Variants in RAB3GAP2 observed in about 807,000 individuals in gnomAD.
The protein encoded by RAB3GAP2 is RAB3 GTPase activating non-catalytic protein subunit 2.
In RAB3GAP2, 87 loss-of-function variants were observed where a neutral mutation model predicts 185.3. The ratio of observed to expected loss-of-function variants is 0.47; its 90% CI spans 0.39 to 0.56. The LOEUF is 0.56. RAB3GAP2 is among the 20% of genes least tolerant of loss of function. The pLI is 0.00. For synonymous variants in RAB3GAP2, 554 were observed against 576.1 expected, an observed-to-expected ratio of 0.96 and a Z score of 0.55; for missense variants, 1,492 against 1,638.2, an observed-to-expected ratio of 0.91 and a Z score of 1.54.
chr1:220,250,370 T>A (rs2102521835), intron 1 of RAB3GAP2, among the ~76,000 whole-genome samples: 1 of 152,384 alleles, frequency 6.6e-6, no homozygotes, highest in Non-Finnish European at 1.5e-5. Flanking sequence ...TTCTCCCATT[T>A]GGAAAAGGTG....
At chr1:220,230,850 T>C (rs1401959955) in intron 2 of RAB3GAP2, among the ~76,000 whole-genome samples, 2 of 152,214 alleles carry the variant, frequency 1.3e-5, no homozygotes, top group Non-Finnish European at 2.9e-5. Flanking sequence ...AAAGAATTTA[T>C]TATTGATTTA....
chr1:220,271,175 C>T (rs931485659), intron 1 of RAB3GAP2: 5 of 152,174 alleles, frequency 3.3e-5, no homozygotes. Context: ...GTTTGTAGCA[C>T]CAATGACTGG....
intron 27 of RAB3GAP2, among the ~76,000 whole-genome samples, chr1:220,163,740 C>CATATATATATATATATAT (rs1274317823): frequency 1.1e-5 from 1 of 90,160 alleles, no homozygotes; most frequent in Non-Finnish European, 2.0e-5. Context: ...TATATAAATA[C>CATATATATATATATATAT]ATACATATAT....
At chr1:220,191,040 C>G (rs767511479) in intron 14 of RAB3GAP2, 28 bp downstream of exon 14, 1 of 1,572,792 alleles carries the variant, frequency 6.4e-7, no homozygotes, top group South Asian at 1.1e-5. Flanking sequence ...ATTTTGTAAC[C>G]AGCACAATGC....
At chr1:220,208,557 C>T (rs760042834) in intron 7 of RAB3GAP2, among the ~76,000 whole-genome samples, 3 of 152,158 alleles carry the variant, frequency 2.0e-5, no homozygotes, top group Non-Finnish European at 4.4e-5. Flanking sequence ...TCAACATGTG[C>T]AAAACCTCAT....
chr1:220,153,901 A>T, intron 32 of RAB3GAP2, 67 bp downstream of exon 32: 1 of 1,601,102 alleles, frequency 6.2e-7, no homozygotes, highest in Admixed American at 1.7e-5. Flanking sequence ...TTCAAAAGCC[A>T]GCTAGATTTT....
intron 2 of RAB3GAP2, among the ~76,000 whole-genome samples, chr1:220,232,049 T>C (rs577115212): frequency 1.3e-5 from 2 of 152,368 alleles, no homozygotes; most frequent in African/African-American, 2.4e-5. Context: ...TATACTAACA[T>C]ATATAGGAAC....
Position 220,162,378 on chromosome 1 carries a change from AT to A in RAB3GAP2, c.3155-111del, listed in dbSNP as rs531149226. The A allele has an allele frequency of 6.9e-5, 49 of 710,818 alleles. No individual in the cohort carries two copies. The African/African-American group carries it at 7.2e-4, about 11-fold the overall frequency. The allele number at this position is 710,818 out of a possible 1,614,324, so 44.0% of individuals were successfully genotyped here. A position where few individuals can be genotyped will look rare whatever the true frequency, so the allele number is the denominator to read the frequency against. On this transcript the variant is annotated intron_variant, in intron 27 of 34. Transcript: ENST00000358951. ...AAACTATATAGACTATTTTGATTTC[AT>A]TTTTTATATCTCATGTAATATTTAT...
At chr1:220,189,860 G>C in intron 16 of RAB3GAP2, 93 bp from the exon 17 acceptor site, 3 of 1,183,952 alleles carry the variant, frequency 2.5e-6, no homozygotes, top group Non-Finnish European at 3.6e-6. Context: ...TACTATCAGT[G>C]AGTCTAAAGG....
intron 24 of RAB3GAP2, among the ~76,000 whole-genome samples, chr1:220,168,183 C>G (rs1005409246): frequency 2.0e-5 from 3 of 152,124 alleles, no homozygotes; most frequent in African/African-American, 4.8e-5. Context: ...ACCTCCGCCT[C>G]CCAGGTTCAA....
At chr1:220,229,715 G>A (rs936175137) in intron 2 of RAB3GAP2, among the ~76,000 whole-genome samples, 2 of 152,142 alleles carry the variant, frequency 1.3e-5, no homozygotes, top group African/African-American at 4.8e-5. Flanking sequence ...GTGGCCATCT[G>A]GGTCTGAAAT....
chr1:220,211,025 A>G (rs1571902949), intron 4 of RAB3GAP2, 23 bp from the exon 5 acceptor site: 1 of 1,607,584 alleles, frequency 6.2e-7, no homozygotes, highest in Admixed American at 1.7e-5. Context: ...ACAAAATCAT[A>G]TGCTTACCCA....
intron 26 of RAB3GAP2, 63 bp downstream of exon 26, chr1:220,167,230 C>G: frequency 7.2e-7 from 1 of 1,394,472 alleles, no homozygotes; most frequent in Non-Finnish European, 1.0e-6. Context: ...TAGACGGTCC[C>G]CATATATGAA....
chr1:220,149,381 T>A lies in RAB3GAP2; in HGVS notation c.*1870A>T, dbSNP rs941242219. ...CTACCAGAGTAAGCTTAACCAGTTT[T>A]ATTATCTAAAATGCTTAATAAGTGC... On this transcript the variant is annotated 3_prime_UTR_variant, in exon 35 of 35. Transcript: ENST00000358951. 1 of 152,198 alleles carries A rather than the reference T, an allele frequency of 6.6e-6. No homozygotes were observed. The highest frequency in any genetic ancestry group is 1.5e-5 in the Non-Finnish European group (1 of 68,030). 9.4% of individuals were successfully genotyped at this position (152,198 alleles called of 1,614,324 possible).
At chr1:220,254,623 T>C in intron 1 of RAB3GAP2, 1 of 1,050,854 alleles carries the variant, frequency 9.5e-7, no homozygotes, top group Non-Finnish European at 1.5e-6. Context: ...ACAATGTGCT[T>C]TGAAGATGTT....
chr1:220,177,617 G>GA (rs1435706072), intron 21 of RAB3GAP2, among the ~76,000 whole-genome samples: 1 of 151,714 alleles, frequency 6.6e-6, no homozygotes, highest in Admixed American at 6.6e-5. Flanking sequence ...AAATACTAAT[G>GA]AAAAAAATCA....
intron 2 of RAB3GAP2, among the ~76,000 whole-genome samples, chr1:220,222,894 T>G (rs1216400390): frequency 6.6e-6 from 1 of 152,204 alleles, no homozygotes; most frequent in East Asian, 1.9e-4. Context: ...ATTATTTTTA[T>G]TTTTCTGTAA....
intron 2 of RAB3GAP2, among the ~76,000 whole-genome samples, chr1:220,224,385 G>A (rs1450140496): frequency 2.0e-5 from 3 of 151,958 alleles, no homozygotes; most frequent in African/African-American, 7.3e-5. Flanking sequence ...AAAGAAAAAG[G>A]GCAAAGGAAA....
chr1:220,203,286 C>T (rs540569023), intron 8 of RAB3GAP2, among the ~76,000 whole-genome samples: 1 of 152,266 alleles, frequency 6.6e-6, no homozygotes, highest in Non-Finnish European at 1.5e-5. Context: ...TCATGTACAT[C>T]CCATGAAATC....
Sources: allele counts gnomAD v4.1 joint callset (sites outside exome capture counted in the v4.1 genomes callset), GRCh38; gene constraint gnomAD v4.1.1; transcripts MANE v1.5; gene names NCBI Gene and HGNC (gene_info 2026-07-23, HGNC 2026-07-21).